Variants in ARHGEF10 observed in about 807,000 individuals in gnomAD.
The protein encoded by ARHGEF10 is Rho guanine nucleotide exchange factor 10, also known as Rho guanine nucleotide exchange factor (GEF) 10.
A neutral mutation model predicts 147.4 loss-of-function variants in ARHGEF10; 140 were observed. The ratio of observed to expected loss-of-function variants is 0.95; its 90% confidence interval spans 0.83 to 1.09. ARHGEF10 has a LOEUF of 1.09. ARHGEF10 is among the 50% of genes least tolerant of loss of function. The probability of loss-of-function intolerance (pLI) is 0.00; values close to 1 mark genes in which losing one functional copy is unlikely to be tolerated. For missense variants in ARHGEF10, 2,222 were observed against 1,752.7 expected (o/e 1.27, Z -4.78); for synonymous variants, 902 against 695.8 (o/e 1.30, Z -4.67).
intron 5 of ARHGEF10, among the ~76,000 whole-genome samples, chr8:1,864,861 A>T (rs1267613721): frequency 6.6e-6 from 1 of 152,250 alleles, no homozygotes; most frequent in Non-Finnish European, 1.5e-5. Context: ...TTGTGCCACC[A>T]GGTAGGTCCA....
chr8:1,944,280 C>T (rs986519038), intron 26 of ARHGEF10, among the ~76,000 whole-genome samples: 3 of 152,200 alleles, frequency 2.0e-5, no homozygotes, highest in Non-Finnish European at 4.4e-5. Flanking sequence ...CCCAGCCCTG[C>T]GTGCCCAGCC....
At chr8:1,903,477 A>G (rs1027663521) in intron 16 of ARHGEF10, 26 bp downstream of exon 16, 5 of 1,612,950 alleles carry the variant, frequency 3.1e-6, no homozygotes, top group African/African-American at 1.3e-5. Flanking sequence ...CTTCAACTCT[A>G]TTCCAAAATT....
At chr8:1,888,459 G>A (rs568206410) in intron 11 of ARHGEF10, among the ~76,000 whole-genome samples, 2 of 132,904 alleles carry the variant, frequency 1.5e-5, no homozygotes, top group African/African-American at 6.2e-5. Context: ...CACTGAGTGG[G>A]GTGAGGGGTA....
chr8:1,842,535 C>G (rs1804175257), intron 1 of ARHGEF10, among the ~76,000 whole-genome samples: 2 of 152,190 alleles, frequency 1.3e-5, no homozygotes, highest in Admixed American at 1.3e-4. Context: ...GGACCATGCC[C>G]CCTGTGGTCC....
intron 1 of ARHGEF10, among the ~76,000 whole-genome samples, chr8:1,832,527 G>C (rs796745873): frequency 0.44 from 64,246 of 144,830 alleles, 15,078 homozygotes; most frequent in Middle Eastern, 0.56. Context: ...GACAGAGGTA[G>C]AGAGACACAG....
At chr8:1,928,140 A>G (rs551757917) in intron 23 of ARHGEF10, among the ~76,000 whole-genome samples, 1 of 152,288 alleles carries the variant, frequency 6.6e-6, no homozygotes, top group East Asian at 1.9e-4. Context: ...ATGGGCCCTT[A>G]CCTTCATATT....
intron 9 of ARHGEF10, among the ~76,000 whole-genome samples, chr8:1,880,576 G>C (rs148024120): frequency 3.9e-5 from 6 of 152,214 alleles, no homozygotes; most frequent in Non-Finnish European, 5.9e-5. Context: ...AAATTTTTCA[G>C]CGTTTTAACT....
chr8:1,927,075 C>T (rs1812748883), intron 23 of ARHGEF10: 1 of 164,856 alleles, frequency 6.1e-6, no homozygotes, highest in African/African-American at 2.4e-5. Context: ...CTGCCTCTCA[C>T]TTCTCACATC....
At position 1,948,006 on chromosome 8, in the gene ARHGEF10, C is replaced by T. The variant is rs189697612; in HGVS notation, c.3397+2351C>T. On this transcript the variant is annotated intron_variant, in intron 27 of 28. Transcript: ENST00000349830. This position sits in a 1 kb window ranked among gnomAD's most constrained non-coding sequence, Gnocchi z 4.9. ...CTCAGGTCGCAGGTTCTGGCTAAATCGCAGCTGCCTGTGTTGCGTGTTTTG... is the reference window on the plus strand; with the variant it reads ...CTCAGGTCGCAGGTTCTGGCTAAATTGCAGCTGCCTGTGTTGCGTGTTTTG... Among the ~76,000 whole-genome samples, 5 of 152,096 alleles carry T rather than the reference C, an allele frequency of 3.3e-5. No homozygotes were observed. Among genetic ancestry groups the T allele is most frequent in the East Asian group, 3.9e-4 (2 of 5,148 alleles).
At chr8:1,947,144 G>A (rs779255716) in intron 27 of ARHGEF10, among the ~76,000 whole-genome samples, 1 of 152,318 alleles carries the variant, frequency 6.6e-6, no homozygotes, top group South Asian at 2.1e-4. Flanking sequence ...ACAAAACCAA[G>A]TCACATCCGT....
At chr8:1,880,938 C>T (rs968385585) in intron 9 of ARHGEF10, among the ~76,000 whole-genome samples, 1 of 152,218 alleles carries the variant, frequency 6.6e-6, no homozygotes, top group Non-Finnish European at 1.5e-5. Context: ...CTGGGAGCCG[C>T]GTTACCCCCT....
chr8:1,889,150 G>A (rs1809140167), intron 11 of ARHGEF10, among the ~76,000 whole-genome samples: 1 of 106,668 alleles, frequency 9.4e-6, no homozygotes, highest in African/African-American at 3.7e-5. Flanking sequence ...GGTGAGGGTT[G>A]TGAGGAGACG....
At chr8:1,922,504 G>C (rs1660072113) in intron 18 of ARHGEF10, among the ~76,000 whole-genome samples, 1 of 152,184 alleles carries the variant, frequency 6.6e-6, no homozygotes, top group South Asian at 2.1e-4. Context: ...TCGCGAAAGA[G>C]GAAGATTGAG....
At chr8:1,873,597 G>T (rs1292411512) in intron 7 of ARHGEF10, among the ~76,000 whole-genome samples, 7 of 72,642 alleles carry the variant, frequency 9.6e-5, no homozygotes, top group African/African-American at 2.9e-4. Flanking sequence ...TTTCCTAGTT[G>T]CCTTGAGAGG....
intron 11 of ARHGEF10, 27 bp from the exon 12 acceptor site, chr8:1,893,542 A>G (rs765599886): frequency 1.4e-5 from 21 of 1,532,836 alleles, no homozygotes; most frequent in African/African-American, 1.4e-4. Flanking sequence ...GCAGTTTTCT[A>G]TCATTGTACT....
chr8:1,893,527 A>G, intron 11 of ARHGEF10, 42 bp from the exon 12 acceptor site: 1 of 1,312,960 alleles, frequency 7.6e-7, no homozygotes, highest in Non-Finnish European at 1.1e-6. Flanking sequence ...TGTGTGTATT[A>G]TAAAGCAGTT....
intron 26 of ARHGEF10, among the ~76,000 whole-genome samples, chr8:1,934,407 TAGAA>T (rs937894437): frequency 1.3e-5 from 2 of 151,574 alleles, no homozygotes; most frequent in Non-Finnish European, 2.9e-5. Flanking sequence ...AGATTTTGCT[TAGAA>T]AGACAAGATT....
intron 6 of ARHGEF10, 74 bp downstream of exon 6, chr8:1,866,676 C>G: frequency 2.2e-6 from 3 of 1,370,122 alleles, no homozygotes; most frequent in Non-Finnish European, 3.1e-6. Context: ...GGCCGGGTCC[C>G]TGAGTCTCAG....
Position 1,948,508 on chromosome 8 carries a change from T to C in ARHGEF10, c.3397+2853T>C, listed in dbSNP as rs1278335033. Among the ~76,000 whole-genome samples, 2 of 152,214 alleles carry C rather than the reference T, an allele frequency of 1.3e-5. No individual in the cohort carries two copies. Among genetic ancestry groups the C allele is most frequent in the African/African-American group, 2.4e-5 (1 of 41,454 alleles). ...TCTCTGCTCCCAGGCTGTGGTCTGC[T>C]GCCACCGTGGCCTTGTCAGCAGGAG... On this transcript the variant is annotated intron_variant, in intron 27 of 28. Transcript: ENST00000349830. The surrounding 1 kb of genome is among the most constrained non-coding windows in gnomAD (Gnocchi z 4.9).
Sources: allele counts gnomAD v4.1 joint callset (sites outside exome capture counted in the v4.1 genomes callset), GRCh38; gene constraint gnomAD v4.1.1; non-coding constraint Gnocchi (gnomAD v3.1); transcripts MANE v1.5; gene names NCBI Gene and HGNC (gene_info 2026-07-23, HGNC 2026-07-21).